The following SNTG2 variants were observed in gnomAD, a reference collection of about 807,000 sequenced individuals.
The protein encoded by SNTG2 is syntrophin gamma 2.
Under a neutral mutation model 70.9 loss-of-function variants are expected in SNTG2, and 74 were observed. The observed-to-expected ratio is 1.04, with a 90% CI of 0.86 to 1.27. The LOEUF (loss-of-function observed/expected upper bound fraction) is 1.27. SNTG2 is among the 50% of genes most tolerant of loss of function. The pLI is 0.00. For missense variants in SNTG2, 717 were observed against 690.7 expected, an observed-to-expected ratio of 1.04 and a Z score of -0.43; for synonymous variants, 278 against 273.8, an observed-to-expected ratio of 1.02 and a Z score of -0.15.
chr2:1,177,945 A>G (rs4375895), intron 8 of SNTG2, among the ~76,000 whole-genome samples: 6,987 of 152,258 alleles, frequency 0.046, 229 homozygotes, highest in Non-Finnish European at 0.064. Flanking sequence ...AGACTACTGT[A>G]TTGTTGGAAT....
chr2:1,040,413 C>T lies in SNTG2; in HGVS notation c.73-43105C>T, dbSNP rs10207796. Among the ~76,000 whole-genome samples, 1,511 of 152,298 alleles carry T rather than the reference C, an allele frequency of 9.9e-3. 13 individuals carry two copies. The highest frequency in any genetic ancestry group is 0.017 in the Non-Finnish European group (1,174 of 68,034). On this transcript the variant is annotated intron_variant, in intron 1 of 16. Coordinates refer to ENST00000308624, the MANE Select transcript of SNTG2 (RefSeq NM_018968.4). ...TGGCCCTCTTTCCTCCTGTCTTTCT[C>T]CAGCTTTCCCCTTCCCGCCACCTCT...
intron 8 of SNTG2, among the ~76,000 whole-genome samples, chr2:1,197,519 G>A (rs954565215): frequency 1.2e-4 from 10 of 81,692 alleles, no homozygotes; most frequent in African/African-American, 2.0e-4. Flanking sequence ...ATATATATGT[G>A]TGTGTGTGTG....
intron 1 of SNTG2, among the ~76,000 whole-genome samples, chr2:960,066 A>G (rs1194176008): frequency 6.6e-6 from 1 of 152,182 alleles, no homozygotes; most frequent in East Asian, 1.9e-4. Flanking sequence ...AGAAATATCC[A>G]TCAATTACCA....
intron 4 of SNTG2, among the ~76,000 whole-genome samples, chr2:1,116,838 ATGGGTGCCCTGGTGTG>A (rs1349520381): frequency 3.2e-5 from 2 of 63,224 alleles, no homozygotes; most frequent in African/African-American, 1.3e-4. Flanking sequence ...GCCCTGGTGT[ATGGGTGCCCTGGTGTG>A]TGGGTGCTCT....
chr2:1,114,806 T>TTA (rs1439938515), intron 4 of SNTG2, among the ~76,000 whole-genome samples: 11 of 152,168 alleles, frequency 7.2e-5, no homozygotes, highest in African/African-American at 2.4e-4. Flanking sequence ...AGTTTAACCC[T>TTA]TATAGTCCTT....
chr2:1,141,574 G>C (rs1668750104), intron 6 of SNTG2, among the ~76,000 whole-genome samples: 1 of 152,156 alleles, frequency 6.6e-6, no homozygotes, highest in African/African-American at 2.4e-5. Flanking sequence ...CTTTTTGCCT[G>C]AGCCAAGAGG....
intron 14 of SNTG2, among the ~76,000 whole-genome samples, chr2:1,296,263 A>T (rs573059097): frequency 3.9e-5 from 6 of 152,370 alleles, no homozygotes; most frequent in Admixed American, 2.0e-4. Flanking sequence ...GCTGCTGACC[A>T]ACTGGGTGCT....
chr2:1,151,219 A>G (rs954452499), intron 6 of SNTG2, among the ~76,000 whole-genome samples: 4 of 12,940 alleles, frequency 3.1e-4, no homozygotes, highest in African/African-American at 7.3e-4. Context: ...GCCCAAATGT[A>G]AGGCATGTGC....
At chr2:1,276,844 A>G (rs935079225) in intron 14 of SNTG2, among the ~76,000 whole-genome samples, 2 of 152,252 alleles carry the variant, frequency 1.3e-5, no homozygotes, top group Admixed American at 6.5e-5. Flanking sequence ...GGAGGACATC[A>G]GAGTATCAAC....
chr2:1,360,649 A>G (rs1661087380), intron 16 of SNTG2, among the ~76,000 whole-genome samples: 1 of 69,846 alleles, frequency 1.4e-5, no homozygotes, highest in Non-Finnish European at 2.9e-5. Flanking sequence ...AACACAAACA[A>G]ACAAAAAAAA....
chr2:1,176,770 C>T (rs1373840032), intron 8 of SNTG2, among the ~76,000 whole-genome samples: 6 of 152,024 alleles, frequency 3.9e-5, no homozygotes, highest in African/African-American at 1.4e-4. Flanking sequence ...CAGAGAAATG[C>T]AAATCAAAAC....
chr2:1,024,519 G>A (rs1247360008), intron 1 of SNTG2, among the ~76,000 whole-genome samples: 9 of 152,124 alleles, frequency 5.9e-5, no homozygotes, highest in South Asian at 2.1e-4. Context: ...ACAGGCTCAC[G>A]CCACCACACT....
At chr2:1,055,359 G>A (rs1322739760) in intron 1 of SNTG2, among the ~76,000 whole-genome samples, 1 of 152,158 alleles carries the variant, frequency 6.6e-6, no homozygotes, top group Non-Finnish European at 1.5e-5. Flanking sequence ...GTTGCCTAGA[G>A]TGGGTACCGT....
intron 1 of SNTG2, among the ~76,000 whole-genome samples, chr2:1,025,834 T>G (rs1427098455): frequency 2.0e-5 from 3 of 152,126 alleles, no homozygotes; most frequent in African/African-American, 7.2e-5. Context: ...ATGTGGATAT[T>G]TTTGTGGGGG....
intron 4 of SNTG2, among the ~76,000 whole-genome samples, chr2:1,122,722 C>CAAAAAAAAAAAAAAAAA (rs60163290): frequency 8.2e-6 from 1 of 121,956 alleles, no homozygotes; most frequent in Non-Finnish European, 1.9e-5. Flanking sequence ...AGCAATCAGA[C>CAAAAAAAAAAAAAAAAA]AAAAAAAAAA....
At chr2:1,141,641 C>T (rs1011203790) in intron 6 of SNTG2, among the ~76,000 whole-genome samples, 1 of 152,238 alleles carries the variant, frequency 6.6e-6, no homozygotes, top group Non-Finnish European at 1.5e-5. Context: ...GTTTTCCCTA[C>T]AGCATGGCTT....
chr2:1,315,246 C>T (rs1028850927), intron 15 of SNTG2, among the ~76,000 whole-genome samples: 4 of 152,088 alleles, frequency 2.6e-5, no homozygotes, highest in Non-Finnish European at 4.4e-5. Context: ...GCGTAAAATG[C>T]GGAGATTCTA....
chr2:1,285,498 C>T (rs929556408), intron 14 of SNTG2, among the ~76,000 whole-genome samples: 1 of 152,160 alleles, frequency 6.6e-6, no homozygotes, highest in African/African-American at 2.4e-5. Flanking sequence ...GCACCAATCC[C>T]CAACCCAAAT....
intron 9 of SNTG2, among the ~76,000 whole-genome samples, chr2:1,224,078 G>A (rs1356196284): frequency 6.6e-6 from 1 of 152,208 alleles, no homozygotes; most frequent in Non-Finnish European, 1.5e-5. Flanking sequence ...TGTGGAGGAA[G>A]GGGTGAGGGT....
Sources: gnomAD v4.1 joint callset for allele counts (sites outside exome capture counted in the v4.1 genomes callset) on GRCh38, gnomAD v4.1.1 for gene constraint, MANE v1.5 for transcripts, NCBI Gene and HGNC (gene_info 2026-07-23, HGNC 2026-07-21) for gene names.